SCUBE3: variants seen among roughly 807,000 people sequenced by gnomAD.
The protein encoded by SCUBE3 is signal peptide, CUB domain and EGF like domain containing 3, also known as signal peptide, CUB and EGF-like domain-containing protein 3.
A neutral mutation model predicts 116.8 loss-of-function variants in SCUBE3; 33 were observed. The observed-to-expected ratio is 0.28, with a 90% CI of 0.21 to 0.38. The LOEUF (loss-of-function observed/expected upper bound fraction) is 0.38, where lower values mean the gene tolerates loss of function less well. SCUBE3 is among the 10% of genes least tolerant of loss of function. The pLI, the probability that SCUBE3 is intolerant of heterozygous loss-of-function variation, is 1.00. For missense variants in SCUBE3, 1,007 were observed against 1,324.8 expected, an observed-to-expected ratio of 0.76 and a Z score of 3.72; for synonymous variants, 418 against 496.9, an observed-to-expected ratio of 0.84 and a Z score of 2.11.
rs1175848049 is a variant in SCUBE3, at chr6:35,241,334, GCATAGAGTATCA to G, written c.1195+72_1195+83del. Reference sequence around the variant, plus strand: ...CAGGGAGCAGTTGGGGTTCTGGAAAGCATAGAGTATCACATTGGGGAAAGGTGTGAGGTGGAA... The same window carrying G: ...CAGGGAGCAGTTGGGGTTCTGGAAAGCATTGGGGAAAGGTGTGAGGTGGAA... On this transcript the variant is annotated intron_variant, in intron 10 of 21. Transcript: ENST00000274938. The surrounding 1 kb of genome is among the most constrained non-coding windows in gnomAD (Gnocchi z 4.1). 1.3e-6 allele frequency: 2 copies of G among 1,513,190 alleles called. No individual in the cohort carries two copies. Among genetic ancestry groups the G allele is most frequent in the Non-Finnish European group, 1.8e-6 (2 of 1,109,186 alleles). The allele number at this position is 1,513,190 out of a possible 1,614,324, so 93.7% of individuals were successfully genotyped here.
chr6:35,247,194 G>T (rs2018373), intron 21 of SCUBE3, among the ~76,000 whole-genome samples: 296 of 151,920 alleles, frequency 1.9e-3, no homozygotes, highest in Non-Finnish European at 1.5e-3. Context: ...CAGCACTTTG[G>T]GGGGCTGAGG....
rs187308094 is a variant in SCUBE3, at chr6:35,233,987, T to C, written c.712+686T>C. On this transcript the variant is annotated intron_variant, in intron 6 of 21. Transcript: ENST00000274938. This position sits in a 1 kb window ranked among gnomAD's most constrained non-coding sequence, Gnocchi z 5.7. Reference sequence around the variant, plus strand: ...TCACCAACTCCAGCCTTCCATCTCTTACCTTGATTTGAGGTCCTCTTAATA... The same window carrying C: ...TCACCAACTCCAGCCTTCCATCTCTCACCTTGATTTGAGGTCCTCTTAATA... Among the ~76,000 whole-genome samples, 3 of 152,328 alleles carry C rather than the reference T, an allele frequency of 2.0e-5. No individual in the cohort carries two copies. Among genetic ancestry groups the C allele is most frequent in the Admixed American group, 2.0e-4 (3 of 15,296 alleles).
At chr6:35,226,787 T>C (rs1297942631) in intron 1 of SCUBE3, among the ~76,000 whole-genome samples, 1 of 152,192 alleles carries the variant, frequency 6.6e-6, no homozygotes, top group Non-Finnish European at 1.5e-5. Context: ...ATCATCTATG[T>C]CCTTTCCTAA....
Position 35,243,878 on chromosome 6 carries a change from A to G in SCUBE3, c.2072-85A>G. 1 of 1,534,576 alleles carries G rather than the reference A, an allele frequency of 6.5e-7. No individual in the cohort carries two copies. The highest frequency in any genetic ancestry group is 8.9e-7 in the Non-Finnish European group (1 of 1,121,494). On this transcript the variant is annotated intron_variant, in intron 16 of 21. Transcript: ENST00000274938. The surrounding 1 kb of genome is among the most constrained non-coding windows in gnomAD (Gnocchi z 6.6). ...CTCTCTTAGTCAACATCCTGTTTGTATACCTTTGTCCCCTGAGATCGGGTG... is the reference window on the plus strand; with the variant it reads ...CTCTCTTAGTCAACATCCTGTTTGTGTACCTTTGTCCCCTGAGATCGGGTG...
rs535966131 is a variant in SCUBE3 at position 35,245,138 on chromosome 6, C to G, written c.2402-90C>G. On this transcript the variant is annotated intron_variant, in intron 18 of 21. Coordinates refer to ENST00000274938, the MANE Select transcript of SCUBE3 (RefSeq NM_152753.4). The surrounding 1 kb of genome is among the most constrained non-coding windows in gnomAD (Gnocchi z 4.2). Reference sequence around the variant, plus strand: ...CGCAGACTTCCCATAAATGTCTGACCTCTACTTCAGAACTCTTCAATTCCC... The same window carrying G: ...CGCAGACTTCCCATAAATGTCTGACGTCTACTTCAGAACTCTTCAATTCCC... 3.6e-5 allele frequency: 43 copies of G among 1,182,420 alleles called. No homozygotes were observed. Among genetic ancestry groups the G allele is most frequent in the East Asian group, 3.3e-4 (14 of 42,748 alleles). The allele number at this position is 1,182,420 out of a possible 1,614,324, so 73.2% of individuals were successfully genotyped here.
At chr6:35,227,731 G>A (rs780467639) in intron 2 of SCUBE3, 29 bp downstream of exon 2, 2 of 1,613,330 alleles carry the variant, frequency 1.2e-6, no homozygotes, top group Non-Finnish European at 1.7e-6. Context: ...CTGGAGGAGA[G>A]GGACCTGTGG....
chr6:35,227,484 AGAG>A lies in SCUBE3; in HGVS notation c.86-95_86-93del, dbSNP rs910664332. On this transcript the variant is annotated intron_variant, in intron 1 of 21. Transcript: ENST00000274938. ...TGGAGGGGGTCACTGCCTCTGTTTT[AGAG>A]AAGAGGGGATTCTGCCCTTGGAAGC... 7 of 1,342,134 alleles carry A rather than the reference AGAG, an allele frequency of 5.2e-6. No homozygotes were observed. The African/African-American group carries it at 8.6e-5, about 16-fold the overall frequency. The allele number at this position is 1,342,134 out of a possible 1,614,324, so 83.1% of individuals were successfully genotyped here.
chr6:35,236,459 C>T (rs1044627260), intron 6 of SCUBE3, among the ~76,000 whole-genome samples: 11 of 152,220 alleles, frequency 7.2e-5, no homozygotes, highest in African/African-American at 2.7e-4. Context: ...CACTCTTTAG[C>T]GGGTGGCTAG....
chr6:35,228,448 G>A lies in SCUBE3; in HGVS notation c.209-166G>A, dbSNP rs929035825. ...CAATGGTAATTAGAAAGACTGGATGGAGACCTGAAAATGTTCATGACTTAG... is the reference window on the plus strand; with the variant it reads ...CAATGGTAATTAGAAAGACTGGATGAAGACCTGAAAATGTTCATGACTTAG... On this transcript the variant is annotated intron_variant, in intron 2 of 21. Transcript: ENST00000274938. The surrounding 1 kb of genome is among the most constrained non-coding windows in gnomAD (Gnocchi z 4.9). Among the ~76,000 whole-genome samples, 2 of 152,182 alleles carry A rather than the reference G, an allele frequency of 1.3e-5. No homozygotes were observed. Among genetic ancestry groups the A allele is most frequent in the African/African-American group, 4.8e-5 (2 of 41,446 alleles).
intron 1 of SCUBE3, among the ~76,000 whole-genome samples, chr6:35,215,449 G>T (rs1421029037): frequency 6.6e-6 from 1 of 152,092 alleles, no homozygotes; most frequent in Non-Finnish European, 1.5e-5. Flanking sequence ...TGTCCTCACC[G>T]ACAAGAGATT....
Position 35,241,279 on chromosome 6 carries a change from C to T in SCUBE3, c.1195+13C>T, listed in dbSNP as rs751197144. 21 of 1,580,946 alleles carry T rather than the reference C, an allele frequency of 1.3e-5. No homozygotes were observed. In the South Asian group the frequency reaches 1.4e-4, roughly 10 times the overall value. On this transcript the variant is annotated intron_variant, in intron 10 of 21. Transcript: ENST00000274938. The surrounding 1 kb of genome is among the most constrained non-coding windows in gnomAD (Gnocchi z 4.1). Reference sequence around the variant, plus strand: ...AAAGATTGCACAGGTGGGCAGTGCCCTCTGCTGGCCAAAGATGACACTGCC... The same window carrying T: ...AAAGATTGCACAGGTGGGCAGTGCCTTCTGCTGGCCAAAGATGACACTGCC...
rs967604321 is a variant in SCUBE3 at position 35,219,054 on chromosome 6, G to A, written c.85+4551G>A. Reference sequence around the variant, plus strand: ...CAGGTTACTCACCCAAATCTCAGGCGCTCTCCTCCTTGGATGCTGGTCCAC... The same window carrying A: ...CAGGTTACTCACCCAAATCTCAGGCACTCTCCTCCTTGGATGCTGGTCCAC... On this transcript the variant is annotated intron_variant, in intron 1 of 21. Transcript: ENST00000274938. This position sits in a 1 kb window ranked among gnomAD's most constrained non-coding sequence, Gnocchi z 4.7. Among the ~76,000 whole-genome samples, 1 of 152,116 alleles carries A rather than the reference G, an allele frequency of 6.6e-6. No individual in the cohort carries two copies. Among genetic ancestry groups the A allele is most frequent in the Non-Finnish European group, 1.5e-5 (1 of 68,016 alleles).
chr6:35,241,323 G>C lies in SCUBE3; in HGVS notation c.1195+57G>C. 6.5e-7 allele frequency: 1 copy of C among 1,546,294 alleles called. No individual in the cohort carries two copies. Among genetic ancestry groups the C allele is most frequent in the Admixed American group, 1.8e-5 (1 of 56,288 alleles). On this transcript the variant is annotated intron_variant, in intron 10 of 21. Transcript: ENST00000274938. The surrounding 1 kb of genome is among the most constrained non-coding windows in gnomAD (Gnocchi z 4.1). ...CACTGCCATTTCAGGGAGCAGTTGG[G>C]GTTCTGGAAAGCATAGAGTATCACA...
chr6:35,242,247 C>T lies in SCUBE3; in HGVS notation c.1461C>T (p.Ile487=), dbSNP rs924462301. The T allele has an allele frequency of 9.9e-6, 16 of 1,613,856 alleles. No individual in the cohort carries two copies. Among genetic ancestry groups the T allele is most frequent in the Non-Finnish European group, 1.4e-5 (16 of 1,179,850 alleles). Residue 487 remains isoleucine, a synonymous_variant, in exon 13 of 22, where the codon ATC becomes ATT. Transcript: ENST00000274938. ...TTAAACAACGGGCCTCCTTCAAGAT[C>T]AAGGATGCCAAATGCCGTTTGCACC... is the stretch of plus-strand genomic sequence containing the variant. The part of the protein sequence containing the change: ...LSIKQRASFK[I]KDAKCRLHLR...
chr6:35,222,835 G>A (rs1338994695), intron 1 of SCUBE3: 1 of 152,198 alleles, frequency 6.6e-6, no homozygotes, highest in Non-Finnish European at 1.5e-5. Context: ...ATGGGGCTTT[G>A]ATAGGGAAAG....
chr6:35,223,030 T>A (rs1025131369), intron 1 of SCUBE3: 1 of 152,052 alleles, frequency 6.6e-6, no homozygotes, highest in African/African-American at 2.4e-5. Flanking sequence ...CTAAAAATTT[T>A]AAAAAATTGG....
At chr6:35,218,163 A>G in intron 1 of SCUBE3, 1 of 985,210 alleles carries the variant, frequency 1.0e-6, no homozygotes, top group African/African-American at 1.7e-5. Context: ...AGATGTGAGC[A>G]GCTGGGACCT....
chr6:35,236,027 C>G (rs970607339), intron 6 of SCUBE3, among the ~76,000 whole-genome samples: 2 of 152,184 alleles, frequency 1.3e-5, no homozygotes, highest in Admixed American at 1.3e-4. Context: ...TGAATCCTGG[C>G]TCTGTTACTT....
chr6:35,221,820 GGAT>G (rs1024188207), intron 1 of SCUBE3: 34 of 152,312 alleles, frequency 2.2e-4, no homozygotes, highest in African/African-American at 7.2e-4. Context: ...CACAAGCCTG[GGAT>G]TGATCAGGTG....
Sources: allele counts gnomAD v4.1 joint callset (sites outside exome capture counted in the v4.1 genomes callset), GRCh38; gene constraint gnomAD v4.1.1; non-coding constraint Gnocchi (gnomAD v3.1); transcripts MANE v1.5; gene names NCBI Gene and HGNC (gene_info 2026-07-23, HGNC 2026-07-21).